SOWAHD: variants seen among roughly 807,000 people sequenced by gnomAD.
The protein encoded by SOWAHD is ankyrin repeat domain-containing protein SOWAHD.
For missense variants in SOWAHD, 295 were observed against 297.7 expected (o/e 0.99, Z 0.07); for synonymous variants, 142 against 147.2 (o/e 0.96, Z 0.26).
chrX:119,758,955 G>T lies in SOWAHD; in HGVS notation c.288G>T (p.Glu96Asp). 9.1e-7 allele frequency: 1 copy of T among 1,104,658 alleles called. No individual in the cohort carries two copies. 91.0% of individuals were successfully genotyped at this position (1,104,658 alleles called of 1,213,427 possible). The part of the protein sequence containing the change: ...AGWLSEERAE[E>D]LGGPSGPGSS... ...GGCTGTCGGAGGAGCGCGCCGAGGA[G>T]CTGGGCGGGCCGAGTGGGCCGGGCA... is the stretch of plus-strand genomic sequence containing the variant. Residue 96 changes from glutamate to aspartate, a missense_variant, in exon 1 of 1, where the codon GAG (glutamate) becomes GAT (aspartate). Glu to Asp is a conservative substitution (Grantham distance 45). Coordinates refer to ENST00000343905, the MANE Select transcript of SOWAHD (RefSeq NM_001105576.3).
chrX:119,759,548 C>A lies in SOWAHD; in HGVS notation c.881C>A (p.Ala294Glu). The A allele has an allele frequency of 8.4e-7, 1 of 1,186,713 alleles. No individual in the cohort carries two copies. Among genetic ancestry groups the A allele is most frequent in the Non-Finnish European group, 1.1e-6 (1 of 882,249 alleles). ...AASRTKAKDT[A>E]GSRVAQMHSL... Reference sequence around the variant, plus strand: ...TCGCGGACCAAGGCGAAGGACACCGCGGGCAGCCGGGTGGCGCAAATGCAT... The same window carrying A: ...TCGCGGACCAAGGCGAAGGACACCGAGGGCAGCCGGGTGGCGCAAATGCAT... Residue 294 changes from alanine (A) to glutamate (E), a missense_variant, in exon 1 of 1, where the codon GCG (alanine) becomes GAG (glutamate). Transcript: ENST00000343905.
rs1369897025 is a variant in SOWAHD at position 119,760,198 on chromosome X, CAT to C, written c.*584_*585del. 1 of 123,244 alleles carries C rather than the reference CAT, an allele frequency of 8.1e-6. No individual in the cohort carries two copies. The highest frequency in any genetic ancestry group is 3.2e-5 in the African/African-American group (1 of 30,793). The allele number at this position is 123,244 out of a possible 1,213,427, so 10.2% of individuals were successfully genotyped here. ...TAAAGTGGAATATGTGTTCTTTTCA[CAT>C]GACAAGGCTGTCCTTTCAGTGTTTT... On this transcript the variant is annotated 3_prime_UTR_variant, in exon 1 of 1. Coordinates refer to ENST00000343905, the MANE Select transcript of SOWAHD (RefSeq NM_001105576.3).
rs2055534723 is a variant in SOWAHD, at chrX:119,759,301, G to T, written c.634G>T (p.Ala212Ser). Residue 212 changes from alanine to serine, a missense_variant, in exon 1 of 1, where the codon GCT becomes TCT. Ala to Ser is a moderately conservative substitution (Grantham distance 99). Coordinates refer to ENST00000343905, the MANE Select transcript of SOWAHD (RefSeq NM_001105576.3). Reference protein sequence around the residue: ...VIKVLVGALGADATRRDHSGH... With the variant: ...VIKVLVGALGSDATRRDHSGH... ...CAAGGTGCTGGTGGGCGCCCTGGGTGCTGACGCTACGCGCCGCGACCACAG... is the reference window on the plus strand; with the variant it reads ...CAAGGTGCTGGTGGGCGCCCTGGGTTCTGACGCTACGCGCCGCGACCACAG... 2 of 1,190,072 alleles carry T rather than the reference G, an allele frequency of 1.7e-6. No homozygotes were observed. Among genetic ancestry groups the T allele is most frequent in the Non-Finnish European group, 2.3e-6 (2 of 886,036 alleles).
chrX:119,759,516 G>A lies in SOWAHD; in HGVS notation c.849G>A (p.Val283=). 1 of 1,200,682 alleles carries A rather than the reference G, an allele frequency of 8.3e-7. No individual in the cohort carries two copies. Among genetic ancestry groups the A allele is most frequent in the Non-Finnish European group, 1.1e-6 (1 of 889,115 alleles). The change falls in exon 1 of 1, where the codon GTG becomes GTA. Residue 283 remains valine (V), a synonymous_variant. Coordinates refer to ENST00000343905, the MANE Select transcript of SOWAHD (RefSeq NM_001105576.3). ...CGGCTGTGGAGACAAGCAGGAGAGT[G>A]GCAGCGTCGCGGACCAAGGCGAAGG... The part of the protein sequence containing the change: ...GATAVETSRR[V]AASRTKAKDT...
chrX:119,759,290 G>A lies in SOWAHD; in HGVS notation c.623G>A (p.Gly208Asp), dbSNP rs747556162. Residue 208 changes from glycine (G) to aspartate (D), a missense_variant, in exon 1 of 1, where the codon GGC becomes GAC. Physicochemically the swap from Gly to Asp is moderately conservative, Grantham distance 94 (BLOSUM62 -1). Coordinates refer to ENST00000343905, the MANE Select transcript of SOWAHD (RefSeq NM_001105576.3). ...GACATGGTCATCAAGGTGCTGGTGGGCGCCCTGGGTGCTGACGCTACGCGC... is the reference window on the plus strand; with the variant it reads ...GACATGGTCATCAAGGTGCTGGTGGACGCCCTGGGTGCTGACGCTACGCGC... Reference protein sequence around the residue: ...GHDMVIKVLVGALGADATRRD... With the variant: ...GHDMVIKVLVDALGADATRRD... 1 of 1,191,720 alleles carries A rather than the reference G, an allele frequency of 8.4e-7. No individual in the cohort carries two copies. Among genetic ancestry groups the A allele is most frequent in the Non-Finnish European group, 1.1e-6 (1 of 887,146 alleles).
Position 119,759,363 on chromosome X carries a change from G to A in SOWAHD, c.696G>A (p.Ala232=), listed in dbSNP as rs746658069. 1 of 1,196,303 alleles carries A rather than the reference G, an allele frequency of 8.4e-7. No homozygotes were observed. The highest frequency in any genetic ancestry group is 1.1e-6 in the Non-Finnish European group (1 of 888,536). ...HRACHYLRPD[A]PWRLRELSGA... ...CCTGCCACTACCTGCGGCCCGACGCGCCTTGGAGGTTGCGGGAGCTGTCGG... is the reference window on the plus strand; with the variant it reads ...CCTGCCACTACCTGCGGCCCGACGCACCTTGGAGGTTGCGGGAGCTGTCGG... Residue 232 remains alanine (A), a synonymous_variant, in exon 1 of 1, where the codon GCG becomes GCA. Coordinates refer to ENST00000343905, the MANE Select transcript of SOWAHD (RefSeq NM_001105576.3).
chrX:119,759,177 C>T lies in SOWAHD; in HGVS notation c.510C>T (p.Phe170=), dbSNP rs761211316. ...AGGAGCTCATTCTGGTACACGATTT[C>T]GCCCTACGCCGGGGGCTGAGGCTCG... The part of the protein sequence containing the change: ...RHEELILVHD[F]ALRRGLRLDV... The change falls in exon 1 of 1, where the codon TTC becomes TTT. Residue 170 remains phenylalanine (F), a synonymous_variant. Coordinates refer to ENST00000343905, the MANE Select transcript of SOWAHD (RefSeq NM_001105576.3). 5 of 1,186,995 alleles carry T rather than the reference C, an allele frequency of 4.2e-6. No individual in the cohort carries two copies. The highest frequency in any genetic ancestry group is 5.6e-6 in the Non-Finnish European group (5 of 885,487).
rs1261750958 is a variant in SOWAHD, at chrX:119,759,903, G to A, written c.*288G>A. On this transcript the variant is annotated 3_prime_UTR_variant, in exon 1 of 1. Transcript: ENST00000343905. ...GACTAAGGAGTTGGGAGCAGGGAGCGTGGTCCTGCTTGGGAGAGGGCAAGT... is the reference window on the plus strand; with the variant it reads ...GACTAAGGAGTTGGGAGCAGGGAGCATGGTCCTGCTTGGGAGAGGGCAAGT... 1 of 278,971 alleles carries A rather than the reference G, an allele frequency of 3.6e-6. No homozygotes were observed. The highest frequency in any genetic ancestry group is 6.6e-6 in the Non-Finnish European group (1 of 151,395). The allele number at this position is 278,971 out of a possible 1,213,427, so 23.0% of individuals were successfully genotyped here.
Position 119,760,062 on chromosome X carries a change from T to C in SOWAHD, c.*447T>C, listed in dbSNP as rs2055540044. 1 of 130,211 alleles carries C rather than the reference T, an allele frequency of 7.7e-6. No homozygotes were observed. The highest frequency in any genetic ancestry group is 9.5e-5 in the Admixed American group (1 of 10,518). The allele number at this position is 130,211 out of a possible 1,213,427, so 10.7% of individuals were successfully genotyped here. On this transcript the variant is annotated 3_prime_UTR_variant, in exon 1 of 1. Coordinates refer to ENST00000343905, the MANE Select transcript of SOWAHD (RefSeq NM_001105576.3). Reference sequence around the variant, plus strand: ...TAACTCTGCCGGCCTCGCTCGGCCATTAATGGGTCTTGGGGTGCGGGTAGA... The same window carrying C: ...TAACTCTGCCGGCCTCGCTCGGCCACTAATGGGTCTTGGGGTGCGGGTAGA...
At position 119,758,829 on chromosome X, in the gene SOWAHD, C is replaced by T. The variant is rs2055529885; in HGVS notation, c.162C>T (p.His54=). 1.1e-5 allele frequency: 13 copies of T among 1,143,724 alleles called. No individual in the cohort carries two copies. The highest frequency in any genetic ancestry group is 1.5e-5 in the Non-Finnish European group (13 of 869,090). The allele number at this position is 1,143,724 out of a possible 1,213,427, so 94.3% of individuals were successfully genotyped here. The change falls in exon 1 of 1, where the codon CAC becomes CAT. Residue 54 remains histidine (H), a synonymous_variant. Coordinates refer to ENST00000343905, the MANE Select transcript of SOWAHD (RefSeq NM_001105576.3). ...CCGCAGCCGCCGCCTCCCGGGAGCA[C>T]CCCTTCCCAGGCACGCTGATGCACT... ...GKAAAAASRE[H]PFPGTLMHSA...
In SOWAHD at chrX:119,760,195, T is replaced by C. The variant is rs779217371; in HGVS notation, c.*580T>C. On this transcript the variant is annotated 3_prime_UTR_variant, in exon 1 of 1. Coordinates refer to ENST00000343905, the MANE Select transcript of SOWAHD (RefSeq NM_001105576.3). ...TATTAAAGTGGAATATGTGTTCTTT[T>C]CACATGACAAGGCTGTCCTTTCAGT... The C allele has an allele frequency of 3.2e-5, 4 of 123,344 alleles. No homozygotes were observed. In the East Asian group the frequency reaches 1.1e-3, roughly 35 times the overall value. The allele number at this position is 123,344 out of a possible 1,213,427, so 10.2% of individuals were successfully genotyped here.
At position 119,759,877 on chromosome X, in the gene SOWAHD, G is replaced by C. The variant is rs1471829865; in HGVS notation, c.*262G>C. 3.4e-6 allele frequency: 1 copy of C among 291,732 alleles called. No homozygotes were observed. Among genetic ancestry groups the C allele is most frequent in the Non-Finnish European group, 6.2e-6 (1 of 160,591 alleles). 24.0% of individuals were successfully genotyped at this position (291,732 alleles called of 1,213,427 possible). A position where few individuals can be genotyped will look rare whatever the true frequency, so the allele number is the denominator to read the frequency against. On this transcript the variant is annotated 3_prime_UTR_variant, in exon 1 of 1. Transcript: ENST00000343905. The stretch of plus-strand genomic sequence containing the variant: ...CCTGGCTCCGAGTTCCAAAGCTACA[G>C]GACTAAGGAGTTGGGAGCAGGGAGC...
In SOWAHD at chrX:119,758,780, G is replaced by T; in HGVS notation, c.113G>T (p.Ser38Ile). Residue 38 changes from serine (S) to isoleucine (I), a missense_variant, in exon 1 of 1, where the codon AGC becomes ATC. Coordinates refer to ENST00000343905, the MANE Select transcript of SOWAHD (RefSeq NM_001105576.3). ...QPRPSRADTGSLGRYWGKAAA... is the reference protein window; with the variant it reads ...QPRPSRADTGILGRYWGKAAA... ...CGCCCCTCGAGAGCGGACACTGGTA[G>T]CCTGGGCAGGTACTGGGGCAAAGCC... 1 of 1,170,924 alleles carries T rather than the reference G, an allele frequency of 8.5e-7. No individual in the cohort carries two copies. Among genetic ancestry groups the T allele is most frequent in the East Asian group, 3.2e-5 (1 of 31,285 alleles).
At position 119,759,610 on chromosome X, in the gene SOWAHD, C is replaced by T. The variant is rs1434541602; in HGVS notation, c.943C>T (p.Arg315Cys). ...CCATCTGTTCCCCTCATTCCAGGAC[C>T]GTTGACAGGGACAGAGACTGGAGAG... is the stretch of plus-strand genomic sequence containing the variant. ...FRHLFPSFQD[R>C] Residue 315 changes from arginine (R) to cysteine (C), a missense_variant, in exon 1 of 1, where the codon CGT (arginine) becomes TGT (cysteine). Transcript: ENST00000343905. 2 of 1,152,241 alleles carry T rather than the reference C, an allele frequency of 1.7e-6. No individual in the cohort carries two copies. The highest frequency in any genetic ancestry group is 3.1e-5 in the East Asian group (1 of 32,640). The allele number at this position is 1,152,241 out of a possible 1,213,427, so 95.0% of individuals were successfully genotyped here.
Position 119,758,924 on chromosome X carries a change from C to T in SOWAHD, c.257C>T (p.Ala86Val). 1 of 1,090,803 alleles carries T rather than the reference C, an allele frequency of 9.2e-7. No homozygotes were observed. Among genetic ancestry groups the T allele is most frequent in the Non-Finnish European group, 1.2e-6 (1 of 845,737 alleles). 89.9% of individuals were successfully genotyped at this position (1,090,803 alleles called of 1,213,427 possible). The change falls in exon 1 of 1, where the codon GCG becomes GTG. Residue 86 changes from alanine (A) to valine (V), a missense_variant. Coordinates refer to ENST00000343905, the MANE Select transcript of SOWAHD (RefSeq NM_001105576.3). ...ELLGLQRAAP[A>V]GWLSEERAEE... The stretch of plus-strand genomic sequence containing the variant: ...CTGGGGCTGCAGCGGGCGGCTCCTG[C>T]GGGGTGGCTGTCGGAGGAGCGCGCC...
Position 119,759,719 on chromosome X carries a change from C to G in SOWAHD, c.*104C>G. 1 of 843,118 alleles carries G rather than the reference C, an allele frequency of 1.2e-6. No individual in the cohort carries two copies. The highest frequency in any genetic ancestry group is 1.6e-6 in the Non-Finnish European group (1 of 623,319). 69.5% of individuals were successfully genotyped at this position (843,118 alleles called of 1,213,427 possible). A position where few individuals can be genotyped will look rare whatever the true frequency, so the allele number is the denominator to read the frequency against. ...CGAAGGAGAGGCGCCTTGGACGCTG[C>G]TTGGGCCTGCAAGGAACAGAACACG... On this transcript the variant is annotated 3_prime_UTR_variant, in exon 1 of 1. Coordinates refer to ENST00000343905, the MANE Select transcript of SOWAHD (RefSeq NM_001105576.3).
chrX:119,758,736 G>T lies in SOWAHD; in HGVS notation c.69G>T (p.Leu23=). Residue 23 remains leucine, a synonymous_variant, in exon 1 of 1, where the codon CTG becomes CTT. Coordinates refer to ENST00000343905, the MANE Select transcript of SOWAHD (RefSeq NM_001105576.3). ...CTCTCGCGCCGACCTCGCAGAGCCT[G>T]CGGTGCGCCCCGCAGCCCCGCCCCT... The part of the protein sequence containing the change: ...TASLAPTSQS[L]RCAPQPRPSR... 1 of 1,168,050 alleles carries T rather than the reference G, an allele frequency of 8.6e-7. No homozygotes were observed. The highest frequency in any genetic ancestry group is 1.1e-6 in the Non-Finnish European group (1 of 880,622).
rs368508857 is a variant in SOWAHD, at chrX:119,759,489, G to C, written c.822G>C (p.Ala274=). The change falls in exon 1 of 1, where the codon GCG becomes GCC. Residue 274 remains alanine (A), a synonymous_variant. Coordinates refer to ENST00000343905, the MANE Select transcript of SOWAHD (RefSeq NM_001105576.3). The stretch of plus-strand genomic sequence containing the variant: ...GGAGGGCCGCGAGCGCAGTGGGCGC[G>C]ACGGCTGTGGAGACAAGCAGGAGAG... The part of the protein sequence containing the change: ...TAWRAASAVG[A]TAVETSRRVA... The C allele has an allele frequency of 8.3e-7, 1 of 1,202,040 alleles. No individual in the cohort carries two copies. Among genetic ancestry groups the C allele is most frequent in the East Asian group, 3.0e-5 (1 of 33,490 alleles).
In SOWAHD at chrX:119,759,165, G is replaced by A. The variant is rs774835934; in HGVS notation, c.498G>A (p.Leu166=). ...AKHGRHEELI[L]VHDFALRRGL... is the part of the protein sequence containing the mutation. ...ACGGGCGCCACGAGGAGCTCATTCT[G>A]GTACACGATTTCGCCCTACGCCGGG... The change falls in exon 1 of 1, where the codon CTG becomes CTA. Residue 166 remains leucine (L), a synonymous_variant. Transcript: ENST00000343905. 2.2e-5 allele frequency: 26 copies of A among 1,189,315 alleles called. No individual in the cohort carries two copies. Among genetic ancestry groups the A allele is most frequent in the Non-Finnish European group, 2.8e-5 (25 of 886,357 alleles).
Sources: allele counts gnomAD v4.1 joint callset, GRCh38; gene constraint gnomAD v4.1.1; transcripts MANE v1.5; gene names NCBI Gene and HGNC (gene_info 2026-07-23, HGNC 2026-07-21).